ERC2: variants seen among roughly 807,000 people sequenced by gnomAD.
ERC2 encodes the protein ELKS/RAB6-interacting/CAST family member 2.
A neutral mutation model predicts 114.8 loss-of-function variants in ERC2; 42 were observed. That is an observed-to-expected ratio of 0.37 (90% confidence interval 0.29 to 0.47). ERC2 has a LOEUF of 0.47. ERC2 is among the 20% of genes least tolerant of loss of function. The pLI is 0.99. For synonymous variants in ERC2, 454 were observed against 425.5 expected (o/e 1.07, Z -0.82); for missense variants, 939 against 1,150.7 (o/e 0.82, Z 2.66).
chr3:55,583,866 C>T (rs553066782), intron 17 of ERC2, among the ~76,000 whole-genome samples: 1 of 113,888 alleles, frequency 8.8e-6, no homozygotes, highest in Non-Finnish European at 1.8e-5. Context: ...GCCAGCAAGT[C>T]CAACCACATG....
chr3:55,757,179 C>T (rs113702443), intron 14 of ERC2, among the ~76,000 whole-genome samples: 5 of 152,170 alleles, frequency 3.3e-5, no homozygotes, highest in African/African-American at 7.2e-5. Context: ...TTGTCATTTC[C>T]GGCCAAGGAG....
At chr3:55,550,072 T>C (rs1234043129) in intron 17 of ERC2, among the ~76,000 whole-genome samples, 1 of 152,192 alleles carries the variant, frequency 6.6e-6, no homozygotes, top group Admixed American at 6.5e-5. Flanking sequence ...TGGTCTAGCC[T>C]GGTCCTGTGC....
intron 6 of ERC2, among the ~76,000 whole-genome samples, chr3:56,117,733 A>G (rs2079322641): frequency 6.6e-6 from 1 of 152,218 alleles, no homozygotes. Context: ...AGCTCACTAA[A>G]TACACAAGAA....
At chr3:55,880,886 C>T (rs1312994153) in intron 14 of ERC2, among the ~76,000 whole-genome samples, 1 of 151,832 alleles carries the variant, frequency 6.6e-6, no homozygotes, top group African/African-American at 2.4e-5. Flanking sequence ...ATGAATGTAC[C>T]TAACATACTA....
intron 2 of ERC2, among the ~76,000 whole-genome samples, chr3:56,420,670 G>A (rs1478005982): frequency 6.6e-6 from 1 of 151,728 alleles, no homozygotes; most frequent in East Asian, 1.9e-4. Flanking sequence ...CAGATCACGA[G>A]GTCAGGAGAT....
chr3:56,065,871 C>T (rs1432899069), intron 7 of ERC2, among the ~76,000 whole-genome samples: 1 of 152,136 alleles, frequency 6.6e-6, no homozygotes, highest in African/African-American at 2.4e-5. Flanking sequence ...CTGCAAAGGA[C>T]ATGATTTCAT....
rs1560734451 is a variant in ERC2, at chr3:56,391,640, C to T, written c.657+42711G>A. The stretch of plus-strand genomic sequence containing the variant: ...AATGACAATCCTGGGTTCACTGCTA[C>T]CACTTAGGAAGGGATCAGAGAAAAA... On this transcript the variant is annotated intron_variant, in intron 2 of 17. Transcript: ENST00000288221. 2.6e-5 allele frequency among the ~76,000 whole-genome samples: 4 copies of T among 152,064 alleles called. No individual in the cohort carries two copies. In the South Asian group the frequency reaches 8.3e-4, roughly 32 times the overall value.
chr3:56,243,855 T>C (rs2051492343), intron 3 of ERC2, among the ~76,000 whole-genome samples: 2 of 152,224 alleles, frequency 1.3e-5, no homozygotes, highest in Admixed American at 6.5e-5. Context: ...GCAAGTTCCC[T>C]TTAGAGGCAG....
intron 13 of ERC2, among the ~76,000 whole-genome samples, chr3:55,929,059 G>A (rs1233130229): frequency 6.6e-6 from 1 of 152,068 alleles, no homozygotes; most frequent in East Asian, 1.9e-4. Flanking sequence ...TTGGTGGGGA[G>A]TACTCCCCAT....
intron 17 of ERC2, among the ~76,000 whole-genome samples, chr3:55,674,832 C>A (rs368077888): frequency 6.6e-6 from 1 of 152,148 alleles, no homozygotes; most frequent in East Asian, 1.9e-4. Context: ...TAAAGCTACC[C>A]TTGCCCTTCA....
chr3:55,776,598 G>A (rs371587617), intron 14 of ERC2, among the ~76,000 whole-genome samples: 4 of 152,168 alleles, frequency 2.6e-5, no homozygotes, highest in African/African-American at 9.7e-5. Context: ...GTGAGCCTGG[G>A]GGTACGGAAA....
intron 13 of ERC2, among the ~76,000 whole-genome samples, chr3:55,905,363 G>A (rs1250893558): frequency 2.0e-5 from 3 of 152,168 alleles, no homozygotes; most frequent in African/African-American, 2.4e-5. Flanking sequence ...TTACAGGCGT[G>A]AGCCACCACG....
Position 55,646,559 on chromosome 3 carries a change from C to T in ERC2, c.*39+37235G>A, listed in dbSNP as rs910818820. On this transcript the variant is annotated intron_variant, in intron 17 of 17. Transcript: ENST00000288221. ...AAATATAACCTAAAGAATAATAATG[C>T]TAATATTTGTTCCTTTTTCACCGAA... Among the ~76,000 whole-genome samples the T allele has an allele frequency of 4.6e-5, 7 of 152,226 alleles. No individual in the cohort carries two copies. The South Asian group carries it at 1.5e-3, about 32-fold the overall frequency.
At chr3:55,833,978 G>A (rs2060746386) in intron 14 of ERC2, among the ~76,000 whole-genome samples, 1 of 151,228 alleles carries the variant, frequency 6.6e-6, no homozygotes, top group Admixed American at 6.6e-5. Context: ...TGATAAAACA[G>A]ACTTTAAACC....
At chr3:56,451,529 A>G (rs909659653) in intron 1 of ERC2, among the ~76,000 whole-genome samples, 10 of 152,176 alleles carry the variant, frequency 6.6e-5, no homozygotes, top group African/African-American at 1.9e-4. Context: ...TAACCATGAA[A>G]GAGTCACATT....
chr3:56,228,592 C>T (rs1475232976), intron 3 of ERC2, among the ~76,000 whole-genome samples: 1 of 152,098 alleles, frequency 6.6e-6, no homozygotes, highest in Non-Finnish European at 1.5e-5. Context: ...TTTTGTTTTG[C>T]CATTCAATTG....
intron 12 of ERC2, among the ~76,000 whole-genome samples, chr3:55,983,046 T>C (rs1168213425): frequency 2.0e-5 from 3 of 152,168 alleles, no homozygotes; most frequent in Non-Finnish European, 4.4e-5. Flanking sequence ...AGCCCCTTCA[T>C]CAAACAGGTG....
intron 3 of ERC2, among the ~76,000 whole-genome samples, chr3:56,293,620 A>AT (rs1400700737): frequency 6.6e-6 from 1 of 152,054 alleles, no homozygotes; most frequent in Admixed American, 6.6e-5. Context: ...ATACAGATGT[A>AT]TTTTCCAAAT....
chr3:56,360,059 A>ATCT (rs2058889931), intron 2 of ERC2, among the ~76,000 whole-genome samples: 1 of 112,780 alleles, frequency 8.9e-6, no homozygotes, highest in Admixed American at 9.9e-5. Context: ...AGTAACAAAA[A>ATCT]TCTTTTTTTT....
Sources: gnomAD v4.1 joint callset for allele counts (sites outside exome capture counted in the v4.1 genomes callset) on GRCh38, gnomAD v4.1.1 for gene constraint, MANE v1.5 for transcripts, NCBI Gene and HGNC (gene_info 2026-07-23, HGNC 2026-07-21) for gene names.